GALNT13: variants seen among roughly 807,000 people sequenced by gnomAD.
The protein encoded by GALNT13 is UDP-GalNAc:polypeptide N-acetylgalactosaminyltransferase 13.
GALNT13 carries 28 observed loss-of-function variants against 64.2 expected under a neutral mutation model. The ratio of observed to expected loss-of-function variants is 0.44; its 90% confidence interval spans 0.32 to 0.60. The LOEUF is 0.60. Among genes scored for constraint, GALNT13 ranks in the 20% least tolerant of loss-of-function variants. GALNT13 has a pLI of 0.05. For missense variants in GALNT13, 577 were observed against 669.8 expected (o/e 0.86, Z 1.53); for synonymous variants, 214 against 224.6 (o/e 0.95, Z 0.42).
the GALNT13 span, among the ~76,000 whole-genome samples, chr2:153,114,750 A>G: frequency 3.3e-5 from 5 of 152,232 alleles, no homozygotes; most frequent in Non-Finnish European, 5.9e-5. Flanking sequence ...TGATTTGTCA[A>G]TGAGCTTAAA....
chr2:153,425,802 A>T, the GALNT13 span, among the ~76,000 whole-genome samples: 1 of 151,940 alleles, frequency 6.6e-6, no homozygotes, highest in African/African-American at 2.4e-5. Context: ...TTACAAAGGC[A>T]TGATGAACAA....
intron 3 of GALNT13, among the ~76,000 whole-genome samples, chr2:153,996,555 C>G (rs1467496352): frequency 1.3e-5 from 2 of 151,878 alleles, no homozygotes; most frequent in Non-Finnish European, 2.9e-5. Context: ...TGTGTGAGTT[C>G]TTCATATATT....
the GALNT13 span, among the ~76,000 whole-genome samples, chr2:153,403,311 A>G: frequency 6.6e-6 from 1 of 151,744 alleles, no homozygotes; most frequent in Admixed American, 6.6e-5. Flanking sequence ...GCGTGCTGGG[A>G]GAACCACTGC....
the GALNT13 span, among the ~76,000 whole-genome samples, chr2:153,635,415 T>TATATGTATATATATATAC: frequency 8.2e-6 from 1 of 122,672 alleles, no homozygotes; most frequent in Non-Finnish European, 1.7e-5. Context: ...TATATATATA[T>TATATGTATATATATATAC]ACACATATAT....
At chr2:154,155,433 G>A (rs1301066483) in intron 4 of GALNT13, among the ~76,000 whole-genome samples, 1 of 151,996 alleles carries the variant, frequency 6.6e-6, no homozygotes, top group African/African-American at 2.4e-5. Flanking sequence ...AAAATCCTAT[G>A]TGGAGGAATA....
At chr2:153,214,039 T>C in the GALNT13 span, among the ~76,000 whole-genome samples, 1 of 152,212 alleles carries the variant, frequency 6.6e-6, no homozygotes, top group African/African-American at 2.4e-5. Flanking sequence ...AAGGCCACTA[T>C]ATCTTATTAG....
chr2:153,739,809 G>A, the GALNT13 span, among the ~76,000 whole-genome samples: 8 of 151,280 alleles, frequency 5.3e-5, no homozygotes, highest in African/African-American at 1.5e-4. Flanking sequence ...TTGTCATGAG[G>A]TATATTGGTG....
At chr2:153,297,322 A>G in the GALNT13 span, among the ~76,000 whole-genome samples, 1 of 152,166 alleles carries the variant, frequency 6.6e-6, no homozygotes, top group Admixed American at 6.5e-5. Flanking sequence ...TGTCAACCCA[A>G]AAGAGATCTT....
chr2:153,332,112 T>G, the GALNT13 span, among the ~76,000 whole-genome samples: 1 of 152,152 alleles, frequency 6.6e-6, no homozygotes, highest in Admixed American at 6.5e-5. Flanking sequence ...TCTATTGATC[T>G]TGTTTGTCCT....
chr2:154,010,983 T>G (rs1038561500), intron 3 of GALNT13, among the ~76,000 whole-genome samples: 3 of 152,064 alleles, frequency 2.0e-5, no homozygotes, highest in Non-Finnish European at 2.9e-5. Flanking sequence ...TATTTGGATC[T>G]TCTCTGTTTT....
At chr2:154,313,437 TAC>T (rs149447992) in intron 9 of GALNT13, among the ~76,000 whole-genome samples, 111,618 of 137,174 alleles carry the variant, frequency 0.81, 43,165 homozygotes, top group East Asian at 0.96. Context: ...TATATATATA[TAC>T]ACACACACAC....
the GALNT13 span, among the ~76,000 whole-genome samples, chr2:153,096,745 G>T: frequency 6.6e-6 from 1 of 152,012 alleles, no homozygotes; most frequent in Non-Finnish European, 1.5e-5. Flanking sequence ...TTTTCAATCT[G>T]TGTATGTCTT....
chr2:153,805,597 G>A, the GALNT13 span, among the ~76,000 whole-genome samples: 1 of 151,988 alleles, frequency 6.6e-6, no homozygotes, highest in African/African-American at 2.4e-5. Flanking sequence ...GTTACAAGGA[G>A]GAGAATATAA....
the GALNT13 span, among the ~76,000 whole-genome samples, chr2:153,237,287 A>G: frequency 2.0e-5 from 3 of 152,112 alleles, no homozygotes; most frequent in Non-Finnish European, 4.4e-5. Context: ...TAATAATTAC[A>G]TCAGGGTAAA....
intron 4 of GALNT13, among the ~76,000 whole-genome samples, chr2:154,195,723 AT>A (rs994070003): frequency 9.2e-5 from 14 of 152,206 alleles, no homozygotes; most frequent in Non-Finnish European, 1.3e-4. Context: ...GAAAAAAAAA[AT>A]ATTAGCTATG....
chr2:154,282,637 A>C (rs1692024194), intron 8 of GALNT13, among the ~76,000 whole-genome samples: 1 of 151,622 alleles, frequency 6.6e-6, no homozygotes, highest in South Asian at 2.1e-4. Flanking sequence ...TGTCTATTTC[A>C]AGAACAGAAT....
intron 4 of GALNT13, among the ~76,000 whole-genome samples, chr2:154,156,439 A>C (rs72871877): frequency 0.064 from 9,676 of 152,198 alleles, 429 homozygotes; most frequent in Middle Eastern, 0.13. Context: ...GAATTAATAA[A>C]TTATGTGATA....
chr2:153,236,745 G>A, the GALNT13 span, among the ~76,000 whole-genome samples: 4 of 152,218 alleles, frequency 2.6e-5, no homozygotes, highest in East Asian at 1.9e-4. Flanking sequence ...TGCACAAGGA[G>A]ATCAATGTGT....
chr2:153,117,264 G>A, the GALNT13 span, among the ~76,000 whole-genome samples: 9 of 152,150 alleles, frequency 5.9e-5, no homozygotes, highest in Non-Finnish European at 7.3e-5. Flanking sequence ...AGGTAAGAAA[G>A]GAGAAAGCAA....
Sources: gnomAD v4.1 joint callset for allele counts (sites outside exome capture counted in the v4.1 genomes callset) on GRCh38, gnomAD v4.1.1 for gene constraint, MANE v1.5 for transcripts, NCBI Gene and HGNC (gene_info 2026-07-23, HGNC 2026-07-21) for gene names.